Variants in FTO observed in about 807,000 individuals in gnomAD.
The protein encoded by FTO is FTO alpha-ketoglutarate dependent dioxygenase, also known as alpha-ketoglutarate-dependent dioxygenase FTO.
In FTO, 47 loss-of-function variants were observed where a neutral mutation model predicts 63.9. The observed-to-expected ratio is 0.74, with a 90% CI of 0.58 to 0.94. FTO has a LOEUF of 0.94. FTO is among the 40% of genes least tolerant of loss of function. The pLI is 0.00. For synonymous variants in FTO, 207 were observed against 224.4 expected (o/e 0.92, Z 0.69); for missense variants, 562 against 618.1 (o/e 0.91, Z 0.96).
intron 1 of FTO, among the ~76,000 whole-genome samples, chr16:53,795,641 A>G (rs1264158012): frequency 1.3e-5 from 2 of 152,206 alleles, no homozygotes; most frequent in Admixed American, 1.3e-4. Flanking sequence ...AAGAATTGAG[A>G]ATTTTCCTAT....
chr16:53,911,515 T>C lies in FTO; in HGVS notation c.1240-22470T>C, dbSNP rs2081704447. On this transcript the variant is annotated intron_variant, in intron 7 of 8. Transcript: ENST00000471389. The stretch of plus-strand genomic sequence containing the variant: ...GACAGGAGGACAAGGTGGGGGAAGA[T>C]AGGTGAATCTATAGATGCATTTGTG... 3 of 702,696 alleles carry C rather than the reference T, an allele frequency of 4.3e-6. No individual in the cohort carries two copies. The East Asian group carries it at 8.0e-5, about 19-fold the overall frequency. The allele number at this position is 702,696 out of a possible 1,614,324, so 43.5% of individuals were successfully genotyped here. A position where few individuals can be genotyped will look rare whatever the true frequency, so the allele number is the denominator to read the frequency against.
At chr16:53,961,684 C>A (rs1318280391) in intron 8 of FTO, among the ~76,000 whole-genome samples, 2 of 152,136 alleles carry the variant, frequency 1.3e-5, no homozygotes, top group East Asian at 3.9e-4. Flanking sequence ...ATCAGCTTTA[C>A]CTGAAATCTC....
intron 1 of FTO, among the ~76,000 whole-genome samples, chr16:53,780,252 G>C (rs539784321): frequency 7.9e-5 from 12 of 152,118 alleles, no homozygotes; most frequent in African/African-American, 2.9e-4. Context: ...GAAGCCACCA[G>C]ACTGGTTCTT....
chr16:54,006,436 T>G (rs2084207901), intron 8 of FTO, among the ~76,000 whole-genome samples: 1 of 152,212 alleles, frequency 6.6e-6, no homozygotes, highest in African/African-American at 2.4e-5. Context: ...TATTTATTAG[T>G]TTCCCTGGGA....
intron 1 of FTO, among the ~76,000 whole-genome samples, chr16:53,797,325 A>G (rs1352948034): frequency 6.6e-6 from 1 of 152,238 alleles, no homozygotes; most frequent in African/African-American, 2.4e-5. Flanking sequence ...ACAAATGTAT[A>G]GTGACATGTA....
At chr16:53,873,366 A>C (rs1437670910) in intron 4 of FTO, among the ~76,000 whole-genome samples, 1 of 152,002 alleles carries the variant, frequency 6.6e-6, no homozygotes, top group Admixed American at 6.6e-5. Flanking sequence ...TTCTGGAATA[A>C]TTGTTAATAG....
rs182991744 is a variant in FTO at position 53,783,437 on chromosome 16, C to T, written c.46-26703C>T. Among the ~76,000 whole-genome samples the T allele has an allele frequency of 2.0e-5, 3 of 152,042 alleles. No homozygotes were observed. In the East Asian group the frequency reaches 5.8e-4, roughly 29 times the overall value. On this transcript the variant is annotated intron_variant, in intron 1 of 8. Transcript: ENST00000471389. ...CCTGGCTAACACGGTGAAACCCCGT[C>T]TCTACTAAAAATACAAAAAATTAGC...
intron 6 of FTO, 116 bp from the exon 7 acceptor site, chr16:53,888,716 C>A: frequency 8.8e-7 from 1 of 1,134,774 alleles, no homozygotes; most frequent in Non-Finnish European, 1.3e-6. Flanking sequence ...CCTTTCTCAC[C>A]TTTTCTCATC....
chr16:53,965,462 GT>G (rs2083177839), intron 8 of FTO, among the ~76,000 whole-genome samples: 1 of 152,142 alleles, frequency 6.6e-6, no homozygotes, highest in African/African-American at 2.4e-5. Flanking sequence ...ATTTAACTGT[GT>G]GGCATGTTTG....
At chr16:53,972,375 A>C (rs2083345381) in intron 8 of FTO, among the ~76,000 whole-genome samples, 1 of 152,202 alleles carries the variant, frequency 6.6e-6, no homozygotes, top group Admixed American at 6.5e-5. Context: ...CTCTGAACTA[A>C]AAATGAGTTT....
intron 2 of FTO, among the ~76,000 whole-genome samples, chr16:53,818,553 T>C (rs1379660442): frequency 6.6e-6 from 1 of 152,136 alleles, no homozygotes; most frequent in South Asian, 2.1e-4. Flanking sequence ...ATTGGGAAAT[T>C]TGAAAATAAT....
intron 4 of FTO, among the ~76,000 whole-genome samples, chr16:53,862,147 C>A (rs1365751988): frequency 1.3e-5 from 2 of 152,126 alleles, no homozygotes; most frequent in African/African-American, 4.8e-5. Flanking sequence ...ACTCAGGAGG[C>A]TGAGGCAGGA....
intron 8 of FTO, among the ~76,000 whole-genome samples, chr16:54,078,811 CT>C (rs2086065189): frequency 6.6e-6 from 1 of 152,106 alleles, no homozygotes; most frequent in Non-Finnish European, 1.5e-5. Flanking sequence ...TGGTGGGTCA[CT>C]TGAGGCCAGA....
At chr16:53,914,917 A>T (rs915012978) in intron 7 of FTO, among the ~76,000 whole-genome samples, 1 of 152,200 alleles carries the variant, frequency 6.6e-6, no homozygotes, top group African/African-American at 2.4e-5. Flanking sequence ...ACCCTTCTGC[A>T]TGGTTACAAT....
intron 8 of FTO, among the ~76,000 whole-genome samples, chr16:53,951,813 TG>T (rs1052293641): frequency 3.3e-5 from 5 of 150,786 alleles, no homozygotes; most frequent in Non-Finnish European, 7.4e-5. Context: ...AAATCAATCT[TG>T]TTTTTTTTTT....
chr16:53,892,821 G>A (rs920370032), intron 7 of FTO, among the ~76,000 whole-genome samples: 1 of 152,024 alleles, frequency 6.6e-6, no homozygotes, highest in East Asian at 1.9e-4. Context: ...TTTTCACTTT[G>A]TGGCTGCAAG....
intron 1 of FTO, among the ~76,000 whole-genome samples, chr16:53,801,451 A>C (rs371185273): frequency 2.3e-4 from 35 of 152,156 alleles, no homozygotes; most frequent in African/African-American, 7.9e-4. Flanking sequence ...TTTTTGCTTT[A>C]GTCAATTATC....
intron 1 of FTO, among the ~76,000 whole-genome samples, chr16:53,765,382 C>A (rs1159421431): frequency 6.7e-6 from 1 of 150,254 alleles, no homozygotes; most frequent in African/African-American, 2.4e-5. Flanking sequence ...TATGGTGAAA[C>A]CCGGTCTACT....
chr16:54,097,876 G>A (rs1198287661), intron 8 of FTO, among the ~76,000 whole-genome samples: 1 of 152,166 alleles, frequency 6.6e-6, no homozygotes, highest in African/African-American at 2.4e-5. Flanking sequence ...GGTCAAGGAA[G>A]GTCTCCCTGA....
Sources: allele counts gnomAD v4.1 joint callset (sites outside exome capture counted in the v4.1 genomes callset), GRCh38; gene constraint gnomAD v4.1.1; transcripts MANE v1.5; gene names NCBI Gene and HGNC (gene_info 2026-07-23, HGNC 2026-07-21).